The following EMC3 variants were observed in gnomAD, a reference collection of about 807,000 sequenced individuals.
EMC3 encodes the protein ER membrane protein complex subunit 3.
EMC3 carries 13 observed loss-of-function variants against 36.6 expected under a neutral mutation model. The observed-to-expected ratio is 0.35, with a 90% confidence interval of 0.23 to 0.56. The LOEUF (loss-of-function observed/expected upper bound fraction) is 0.56. Among genes scored for constraint, EMC3 ranks in the 20% least tolerant of loss-of-function variants. The pLI, the probability that EMC3 is intolerant of heterozygous loss-of-function variation, is 0.84. For synonymous variants in EMC3, 120 were observed against 111.9 expected (o/e 1.07, Z -0.46); for missense variants, 220 against 324.5 (o/e 0.68, Z 2.47).
In EMC3 at chr3:9,963,478, T is replaced by TATATATATATATATATATGTA. The variant is rs1553602260; in HGVS notation, c.*590_*591insTACATATATATATATATATAT. 2.9e-5 allele frequency: 1 copy of TATATATATATATATATATGTA among 34,552 alleles called. No homozygotes were observed. The highest frequency in any genetic ancestry group is 1.0e-4 in the African/African-American group (1 of 9,584). 2.1% of individuals were successfully genotyped at this position (34,552 alleles called of 1,614,324 possible). The stretch of plus-strand genomic sequence containing the variant: ...AGATATATATATATATATATATATA[T>TATATATATATATATATATGTA]TTTTTTTTTTTTTTCAGATGGAGTT... On this transcript the variant is annotated 3_prime_UTR_variant, in exon 8 of 8. Transcript: ENST00000245046.
intron 1 of EMC3, among the ~76,000 whole-genome samples, chr3:10,001,800 A>G (rs1372116279): frequency 6.6e-6 from 1 of 152,050 alleles, no homozygotes; most frequent in Admixed American, 6.6e-5. Flanking sequence ...GACTGAGACC[A>G]TCCTGGCTAA....
upstream of EMC3, chr3:9,988,898 A>G (rs2086011189): frequency 1.6e-6 from 1 of 609,264 alleles, no homozygotes; most frequent in African/African-American, 1.9e-5. Context: ...CTGTCTGGGG[A>G]AGATAATCTG....
chr3:10,009,418 G>A (rs1171374256), intron 1 of EMC3, among the ~76,000 whole-genome samples: 1 of 152,180 alleles, frequency 6.6e-6, no homozygotes, highest in Non-Finnish European at 1.5e-5. Flanking sequence ...TGAGGCGGGA[G>A]GAAAAGCAAA....
intron 2 of EMC3, 103 bp from the exon 3 acceptor site, chr3:9,977,153 G>C: frequency 1.0e-6 from 1 of 954,834 alleles, no homozygotes; most frequent in African/African-American, 1.7e-5. Context: ...AGGATATGCT[G>C]TTCCGCTCAG....
At chr3:9,982,597 G>A (rs1472138802) in intron 1 of EMC3, among the ~76,000 whole-genome samples, 2 of 151,906 alleles carry the variant, frequency 1.3e-5, no homozygotes. Context: ...GTTTTATATC[G>A]CTGGGTATGC....
intron 3 of EMC3, among the ~76,000 whole-genome samples, chr3:9,975,494 A>C (rs1167824000): frequency 6.6e-6 from 1 of 151,304 alleles, no homozygotes; most frequent in Non-Finnish European, 1.5e-5. Context: ...ATCTTTTGAC[A>C]GCTTACTGGG....
intron 1 of EMC3, among the ~76,000 whole-genome samples, chr3:9,982,704 G>A (rs141390369): frequency 6.6e-6 from 1 of 151,908 alleles, no homozygotes; most frequent in African/African-American, 2.4e-5. Flanking sequence ...CCTGGGCAAC[G>A]GAGGAGACCC....
At chr3:9,994,972 C>T (rs1366548981) in intron 1 of EMC3, among the ~76,000 whole-genome samples, 1 of 82,870 alleles carries the variant, frequency 1.2e-5, no homozygotes, top group East Asian at 2.1e-4. Flanking sequence ...TGTATTTGTA[C>T]ATATATTCTT....
At chr3:9,991,734 C>T (rs1415519255), upstream of EMC3, among the ~76,000 whole-genome samples, 2 of 152,260 alleles carry the variant, frequency 1.3e-5, no homozygotes, top group Non-Finnish European at 2.9e-5. Flanking sequence ...GAATGTCTTT[C>T]CTCTGTCAAA....
At chr3:9,987,243 T>C (rs1181218624), upstream of EMC3, 6 of 882,816 alleles carry the variant, frequency 6.8e-6, no homozygotes, top group African/African-American at 1.9e-5. Context: ...GAAAGAAAAC[T>C]ACAGGCGGGG....
chr3:9,977,729 T>C (rs530443266), intron 1 of EMC3, among the ~76,000 whole-genome samples: 1 of 152,298 alleles, frequency 6.6e-6, no homozygotes, highest in African/African-American at 2.4e-5. Flanking sequence ...TTTTTCTTAT[T>C]TGATAATAAG....
intron 1 of EMC3, chr3:10,007,052 T>C (rs1000289192): frequency 3.0e-5 from 9 of 296,588 alleles, no homozygotes; most frequent in African/African-American, 1.8e-4. Flanking sequence ...ACTCTGCTGC[T>C]TTGCACCCTC....
chr3:10,001,296 T>C lies in EMC3; in HGVS notation c.-242+9727A>G, dbSNP rs2086196063. ...CAATTTGTCGGCCGGGCATGGTGGC[T>C]CACGCCTGTATTCCCAGCACTTTGG... is the stretch of plus-strand genomic sequence containing the variant. On this transcript the variant is annotated intron_variant, in intron 1 of 8. Coordinates refer to the EMC3 transcript ENST00000470827. Among the ~76,000 whole-genome samples, 3 of 151,426 alleles carry C rather than the reference T, an allele frequency of 2.0e-5. No homozygotes were observed. In the Admixed American group the frequency reaches 2.0e-4, roughly 10 times the overall value.
rs775787757 is a variant in EMC3 at position 9,986,656 on chromosome 3, T to G, written c.6A>C (p.Ala2=). The change falls in exon 1 of 8, where the codon GCA becomes GCC. Residue 2 remains alanine (A), a synonymous_variant. Coordinates refer to ENST00000245046, the MANE Select transcript of EMC3 (RefSeq NM_001394674.1). M[A]GPELLLDSNI... ...TGGAGTCGAGCAACAGTTCTGGCCC[T>G]GCCATCTTCACTGAAAGCTGGTTCC... is the stretch of plus-strand genomic sequence containing the variant. The G allele has an allele frequency of 3.7e-6, 6 of 1,613,962 alleles. No individual in the cohort carries two copies. Among genetic ancestry groups the G allele is most frequent in the South Asian group, 3.3e-5 (3 of 91,062 alleles).
chr3:9,980,470 A>G (rs1178944631), intron 1 of EMC3, among the ~76,000 whole-genome samples: 6 of 150,822 alleles, frequency 4.0e-5, no homozygotes, highest in African/African-American at 1.5e-4. Context: ...AGCTCAAGTG[A>G]TCCTCCCATC....
At chr3:10,002,972 A>G (rs1191016432) in intron 1 of EMC3, 1 of 452,400 alleles carries the variant, frequency 2.2e-6, no homozygotes, top group East Asian at 7.0e-5. Flanking sequence ...TTCCAGTATC[A>G]GCCTGTGGCC....
intron 1 of EMC3, among the ~76,000 whole-genome samples, chr3:10,002,196 G>A (rs779455171): frequency 6.6e-6 from 1 of 152,078 alleles, no homozygotes; most frequent in Non-Finnish European, 1.5e-5. Flanking sequence ...GTCACATTAA[G>A]AATATTGAGT....
chr3:9,987,872 G>C, upstream of EMC3: 1 of 771,348 alleles, frequency 1.3e-6, no homozygotes, highest in Admixed American at 1.8e-5. Context: ...CTATGAATGA[G>C]CAGAACACCA....
intron 1 of EMC3, among the ~76,000 whole-genome samples, chr3:9,994,592 C>CA (rs749997745): frequency 5.7e-5 from 8 of 139,764 alleles, no homozygotes; most frequent in Non-Finnish European, 1.1e-4. Flanking sequence ...TTTTTCAAGA[C>CA]AGAGTTTCGT....
Sources: gnomAD v4.1 joint callset for allele counts (sites outside exome capture counted in the v4.1 genomes callset) on GRCh38, gnomAD v4.1.1 for gene constraint, MANE v1.5 for transcripts, NCBI Gene and HGNC (gene_info 2026-07-23, HGNC 2026-07-21) for gene names.